PRDM5: variants seen among roughly 807,000 people sequenced by gnomAD.
PRDM5 encodes the protein PR domain zinc finger protein 5.
Under a neutral mutation model 81.2 loss-of-function variants are expected in PRDM5, and 56 were observed. The observed-to-expected ratio is 0.69, with a 90% CI of 0.56 to 0.86. The LOEUF (loss-of-function observed/expected upper bound fraction) is 0.86, where lower values mean the gene tolerates loss of function less well. Among genes scored for constraint, PRDM5 ranks in the 40% least tolerant of loss-of-function variants. The probability of loss-of-function intolerance (pLI) is 0.00; values close to 1 mark genes in which losing one functional copy is unlikely to be tolerated. For synonymous variants in PRDM5, 267 were observed against 256.4 expected (o/e 1.04, Z -0.39); for missense variants, 697 against 770.1 (o/e 0.91, Z 1.12).
intron 15 of PRDM5, among the ~76,000 whole-genome samples, chr4:120,703,740 A>G (rs1735712397): frequency 6.6e-6 from 1 of 152,084 alleles, no homozygotes; most frequent in Non-Finnish European, 1.5e-5. Context: ...TGAACACACA[A>G]AAGGTTACCT....
intron 14 of PRDM5, among the ~76,000 whole-genome samples, chr4:120,721,345 A>T (rs757285257): frequency 1.8e-4 from 28 of 152,050 alleles, no homozygotes; most frequent in Non-Finnish European, 3.8e-4. Context: ...GCCCACCCTC[A>T]CCCTGATTTA....
chr4:120,814,085 A>G (rs757772900), intron 7 of PRDM5, among the ~76,000 whole-genome samples: 3 of 152,222 alleles, frequency 2.0e-5, no homozygotes, highest in African/African-American at 7.2e-5. Context: ...GGAAAAATGT[A>G]TGACTATTCA....
intron 14 of PRDM5, among the ~76,000 whole-genome samples, chr4:120,715,898 C>T (rs1737663347): frequency 6.6e-6 from 1 of 152,128 alleles, no homozygotes; most frequent in Non-Finnish European, 1.5e-5. Flanking sequence ...AAGACCTGGG[C>T]ACCAAAGATT....
rs1466668781 is a variant in PRDM5 at position 120,821,248 on chromosome 4, T to G, written c.398A>C (p.Glu133Ala). ...GATGACTGTCATAATTTGCTGTTCT[T>G]CCTCCTCAGCCTCCATGTCACTATC... ...YLDSDMEAEE[E>A]EQQIMTVIKE... The change falls in exon 4 of 16, where the codon GAA (glutamate) becomes GCA (alanine). Residue 133 changes from glutamate to alanine, a missense_variant. This residue lies in a region of PRDM5 where 577 missense variants were observed against 606.7 expected (regional missense o/e 0.95). Coordinates refer to ENST00000264808, the MANE Select transcript of PRDM5 (RefSeq NM_018699.4). 1 of 1,613,960 alleles carries G rather than the reference T, an allele frequency of 6.2e-7. No homozygotes were observed. The highest frequency in any genetic ancestry group is 8.5e-7 in the Non-Finnish European group (1 of 1,179,988).
chr4:120,750,543 A>G (rs1174501482), intron 14 of PRDM5, among the ~76,000 whole-genome samples: 1 of 152,156 alleles, frequency 6.6e-6, no homozygotes, highest in African/African-American at 2.4e-5. Context: ...TTACAGCAAC[A>G]ACAAACCCCA....
At chr4:120,843,147 C>T (rs1758224479) in intron 3 of PRDM5, among the ~76,000 whole-genome samples, 1 of 151,970 alleles carries the variant, frequency 6.6e-6, no homozygotes, top group Non-Finnish European at 1.5e-5. Context: ...GCCTGGCCAA[C>T]GTAGCTGGTG....
At position 120,880,737 on chromosome 4, in the gene PRDM5, T is replaced by G. The variant is rs543920627; in HGVS notation, c.177+26737A>C. On this transcript the variant is annotated intron_variant, in intron 2 of 15. Coordinates refer to ENST00000264808, the MANE Select transcript of PRDM5 (RefSeq NM_018699.4). ...CAAAGATACTTAAAATATTCCAATA[T>G]GTAAATAGAGTACCAAAAAATCATT... Among the ~76,000 whole-genome samples the G allele has an allele frequency of 1.5e-3, 226 of 152,286 alleles. 1 individual carries two copies. Among genetic ancestry groups the G allele is most frequent in the Admixed American group, 4.4e-3 (68 of 15,288 alleles).
chr4:120,812,427 C>G (rs1159085346), intron 7 of PRDM5: 1 of 152,240 alleles, frequency 6.6e-6, no homozygotes, highest in Non-Finnish European at 1.4e-5. Context: ...CACATCCTCT[C>G]CAGCATTCGT....
intron 8 of PRDM5, among the ~76,000 whole-genome samples, chr4:120,803,770 C>T (rs1188229199): frequency 6.6e-6 from 1 of 152,214 alleles, no homozygotes; most frequent in South Asian, 2.1e-4. Context: ...TAAAGACCAT[C>T]GATGCTAGGA....
chr4:120,759,185 G>C (rs1224567024), intron 13 of PRDM5, among the ~76,000 whole-genome samples: 1 of 152,140 alleles, frequency 6.6e-6, no homozygotes, highest in Non-Finnish European at 1.5e-5. Flanking sequence ...CATGCCACCC[G>C]CCAACACTGA....
chr4:120,726,849 C>G (rs1164364573), intron 14 of PRDM5, among the ~76,000 whole-genome samples: 2 of 152,216 alleles, frequency 1.3e-5, no homozygotes, highest in South Asian at 4.1e-4. Context: ...GGAACAGACA[C>G]TTAGCATGCA....
chr4:120,718,763 T>C (rs1003719879), intron 14 of PRDM5, among the ~76,000 whole-genome samples: 7 of 152,244 alleles, frequency 4.6e-5, no homozygotes, highest in African/African-American at 1.7e-4. Flanking sequence ...TATAAATTCC[T>C]AGTTTCCCAT....
intron 8 of PRDM5, among the ~76,000 whole-genome samples, chr4:120,809,030 C>A (rs1187228918): frequency 6.6e-6 from 1 of 152,224 alleles, no homozygotes; most frequent in Non-Finnish European, 1.5e-5. Flanking sequence ...CAGCAGTGGG[C>A]TGAAAGGCTC....
In PRDM5 at chr4:120,742,583, A is replaced by C. The variant is rs1323554994; in HGVS notation, c.1623+11970T>G. Among the ~76,000 whole-genome samples, 9 of 152,334 alleles carry C rather than the reference A, an allele frequency of 5.9e-5. No individual in the cohort carries two copies. The East Asian group carries it at 1.7e-3, about 29-fold the overall frequency. On this transcript the variant is annotated intron_variant, in intron 14 of 15. Transcript: ENST00000264808. ...AATAACCAATACAGAGAAGTGCTTA[A>C]AGGAGCTGATGGAGCTGAAAACCAA...
At chr4:120,803,018 T>G in intron 8 of PRDM5, among the ~76,000 whole-genome samples, 1 of 152,038 alleles carries the variant, frequency 6.6e-6, no homozygotes, top group South Asian at 2.1e-4. Context: ...TTAAATGACC[T>G]GATGGAGCAG....
chr4:120,756,589 G>A (rs1335650245), intron 13 of PRDM5, among the ~76,000 whole-genome samples: 1 of 152,176 alleles, frequency 6.6e-6, no homozygotes, highest in Admixed American at 6.5e-5. Context: ...ATCATTTACT[G>A]AGATCTTAAT....
intron 2 of PRDM5, among the ~76,000 whole-genome samples, chr4:120,894,489 G>A (rs1300042313): frequency 6.6e-6 from 1 of 152,144 alleles, no homozygotes; most frequent in African/African-American, 2.4e-5. Flanking sequence ...AAGTCAGCTA[G>A]TGATAAAGTC....
chr4:120,710,451 G>A (rs1194427510), intron 14 of PRDM5, 38 bp from the exon 15 acceptor site: 2 of 1,493,792 alleles, frequency 1.3e-6, no homozygotes, highest in Non-Finnish European at 1.9e-6. Context: ...AATTGCCAGT[G>A]AATGAATGAA....
chr4:120,904,670 C>T (rs1007008778), intron 2 of PRDM5, among the ~76,000 whole-genome samples: 1 of 152,008 alleles, frequency 6.6e-6, no homozygotes, highest in Non-Finnish European at 1.5e-5. Flanking sequence ...ATAGATAATG[C>T]AAAACTAGAT....
Sources: gnomAD v4.1 joint callset for allele counts (sites outside exome capture counted in the v4.1 genomes callset) on GRCh38, gnomAD v4.1.1 for gene constraint, gnomAD v4.1.1 regional missense constraint, MANE v1.5 for transcripts, NCBI Gene and HGNC (gene_info 2026-07-23, HGNC 2026-07-21) for gene names.